GNA12: variants seen among roughly 807,000 people sequenced by gnomAD.
GNA12 encodes the protein G protein subunit alpha 12, also known as guanine nucleotide-binding protein subunit alpha-12.
In GNA12, 9 loss-of-function variants were observed where a neutral mutation model predicts 26.0. The ratio of observed to expected loss-of-function variants is 0.35; its 90% CI spans 0.21 to 0.60. The LOEUF is 0.60. GNA12 is among the 20% of genes least tolerant of loss of function. GNA12 has a pLI of 0.78. For missense variants in GNA12, 405 were observed against 525.8 expected (o/e 0.77, Z 2.25); for synonymous variants, 264 against 219.6 (o/e 1.20, Z -1.79).
At chr7:2,762,694 C>T (rs541261802) in intron 2 of GNA12, 31 of 1,577,886 alleles carry the variant, frequency 2.0e-5, no homozygotes, top group Middle Eastern at 1.7e-4. Flanking sequence ...CCACGCTGCC[C>T]GGGTGGAGGA....
intron 2 of GNA12, among the ~76,000 whole-genome samples, chr7:2,781,434 G>C (rs1343154658): frequency 6.6e-6 from 1 of 151,758 alleles, no homozygotes; most frequent in Non-Finnish European, 1.5e-5. Context: ...GTGTGTGTGT[G>C]TGTGTGTGTG....
At chr7:2,832,852 C>T (rs987961952) in intron 1 of GNA12, among the ~76,000 whole-genome samples, 2 of 152,182 alleles carry the variant, frequency 1.3e-5, no homozygotes, top group African/African-American at 4.8e-5. Flanking sequence ...TAGCTGCTTG[C>T]AAGAGCTCCC....
chr7:2,736,222 C>T (rs548730797), intron 2 of GNA12, among the ~76,000 whole-genome samples: 1 of 152,280 alleles, frequency 6.6e-6, no homozygotes, highest in South Asian at 2.1e-4. Flanking sequence ...TATAAAGAGG[C>T]ACTGTGCCTG....
intron 2 of GNA12, among the ~76,000 whole-genome samples, chr7:2,794,119 T>A (rs201457949): frequency 1.3e-5 from 2 of 152,232 alleles, no homozygotes; most frequent in East Asian, 3.9e-4. Context: ...AAATGACTTA[T>A]ATGAAGGTTA....
intron 2 of GNA12, among the ~76,000 whole-genome samples, chr7:2,757,079 C>T (rs578114426): frequency 2.3e-4 from 29 of 127,422 alleles, no homozygotes; most frequent in African/African-American, 7.3e-4. Context: ...TGTCCCAAGG[C>T]GGGGGAAAAA....
chr7:2,841,337 T>G (rs1778982999), intron 1 of GNA12, among the ~76,000 whole-genome samples: 1 of 152,228 alleles, frequency 6.6e-6, no homozygotes, highest in Non-Finnish European at 1.5e-5. Context: ...TCCAAATACT[T>G]TCTCCATCTA....
At chr7:2,840,079 G>A (rs1778946791) in intron 1 of GNA12, among the ~76,000 whole-genome samples, 1 of 152,092 alleles carries the variant, frequency 6.6e-6, no homozygotes, top group African/African-American at 2.4e-5. Context: ...AACATGAAGG[G>A]TCCTTCTCTG....
At position 2,770,329 on chromosome 7, in the gene GNA12, C is replaced by T. The variant is rs897050776; in HGVS notation, c.525+24599G>A. Among the ~76,000 whole-genome samples the T allele has an allele frequency of 3.3e-5, 5 of 152,164 alleles. No individual in the cohort carries two copies. The South Asian group carries it at 6.2e-4, about 19-fold the overall frequency. On this transcript the variant is annotated intron_variant, in intron 2 of 3. Transcript: ENST00000275364. ...TTGGAAATTAAATTAAATGATCACA[C>T]AATTTTAAATTTAGGCTCAAATTGA...
chr7:2,811,432 G>C (rs889433544), intron 1 of GNA12, among the ~76,000 whole-genome samples: 3 of 152,214 alleles, frequency 2.0e-5, no homozygotes, highest in Non-Finnish European at 2.9e-5. Flanking sequence ...AGAACAACCA[G>C]GGTGCTCACA....
chr7:2,786,686 T>C (rs1026941542), intron 2 of GNA12, among the ~76,000 whole-genome samples: 1 of 152,196 alleles, frequency 6.6e-6, no homozygotes, highest in African/African-American at 2.4e-5. Flanking sequence ...TTTTCACTAA[T>C]TAAACACTAA....
intron 2 of GNA12, among the ~76,000 whole-genome samples, chr7:2,792,604 G>T (rs145331026): frequency 9.2e-5 from 14 of 152,346 alleles, no homozygotes; most frequent in African/African-American, 3.4e-4. Flanking sequence ...CTCTGTGAGT[G>T]TATGGGGAAA....
intron 2 of GNA12, among the ~76,000 whole-genome samples, chr7:2,743,354 T>A (rs549102842): frequency 6.6e-6 from 1 of 152,322 alleles, no homozygotes; most frequent in South Asian, 2.1e-4. Context: ...ACATCCATAA[T>A]ACCCAAGATA....
chr7:2,780,135 C>A (rs1792193055), intron 2 of GNA12, among the ~76,000 whole-genome samples: 1 of 129,040 alleles, frequency 7.7e-6, no homozygotes, highest in Admixed American at 8.3e-5. Flanking sequence ...ATATATTTTG[C>A]TACTTACCTC....
At chr7:2,764,240 ATTTC>A (rs1043905176) in intron 2 of GNA12, among the ~76,000 whole-genome samples, 2 of 134,134 alleles carry the variant, frequency 1.5e-5, no homozygotes, top group African/African-American at 5.3e-5. Context: ...TCCCCAGCTA[ATTTC>A]TTTTTTTTTT....
chr7:2,777,561 C>T (rs1009669579), intron 2 of GNA12, among the ~76,000 whole-genome samples: 5 of 152,084 alleles, frequency 3.3e-5, no homozygotes, highest in African/African-American at 1.2e-4. Flanking sequence ...GGGAGCATGA[C>T]CTGATTAGTG....
At chr7:2,840,496 A>G (rs1395156398) in intron 1 of GNA12, among the ~76,000 whole-genome samples, 2 of 152,228 alleles carry the variant, frequency 1.3e-5, no homozygotes, top group African/African-American at 4.8e-5. Flanking sequence ...CTATATAGCC[A>G]CAAGTATTAT....
At chr7:2,761,802 A>T (rs1024043559) in intron 2 of GNA12, among the ~76,000 whole-genome samples, 1 of 152,248 alleles carries the variant, frequency 6.6e-6, no homozygotes, top group African/African-American at 2.4e-5. Context: ...TGAAGAGATG[A>T]CCAACTAATG....
Position 2,822,290 on chromosome 7 carries a change from T to C in GNA12, c.309+21563A>G, listed in dbSNP as rs553149084. On this transcript the variant is annotated intron_variant, in intron 1 of 3. Coordinates refer to ENST00000275364, the MANE Select transcript of GNA12 (RefSeq NM_007353.3). The stretch of plus-strand genomic sequence containing the variant: ...TTGCATGTCAGGCTTCACTGGGCAA[T>C]TTCTTCAGAATTCAGAGATCTACCT... Among the ~76,000 whole-genome samples the C allele has an allele frequency of 3.4e-4, 52 of 152,244 alleles. 1 individual carries two copies. In the Middle Eastern group the frequency reaches 0.034, roughly 100 times the overall value.
intron 1 of GNA12, among the ~76,000 whole-genome samples, chr7:2,802,715 T>G (rs1199288172): frequency 6.6e-6 from 1 of 152,212 alleles, no homozygotes; most frequent in East Asian, 1.9e-4. Flanking sequence ...CTGAGTTGTT[T>G]GCCTTTGGCC....
Sources: allele counts gnomAD v4.1 joint callset (sites outside exome capture counted in the v4.1 genomes callset), GRCh38; gene constraint gnomAD v4.1.1; transcripts MANE v1.5; gene names NCBI Gene and HGNC (gene_info 2026-07-23, HGNC 2026-07-21).